The following THSD7B variants were observed in gnomAD, a reference collection of about 807,000 sequenced individuals.
THSD7B encodes thrombospondin type-1 domain-containing protein 7B.
A neutral mutation model predicts 213.6 loss-of-function variants in THSD7B; 138 were observed. The ratio of observed to expected loss-of-function variants is 0.65; its 90% CI spans 0.56 to 0.74. THSD7B has a LOEUF of 0.74. Among genes scored for constraint, THSD7B ranks in the 30% least tolerant of loss-of-function variants. The pLI is 0.00. For missense variants in THSD7B, 1,931 were observed against 1,991.5 expected (o/e 0.97, Z 0.58); for synonymous variants, 742 against 687.0 (o/e 1.08, Z -1.25).
In THSD7B at chr2:137,056,757, C is replaced by G; in HGVS notation, c.477C>G (p.Cys159Trp). Residue 159 changes from cysteine to tryptophan, a missense_variant, in exon 3 of 28, where the codon TGC becomes TGG. Physicochemically the swap from Cys to Trp is radical, Grantham distance 215. Transcript: ENST00000409968. ...GAACTGTGGTTGCAAATGAAATATG[C>G]GAACACTTTGCCCTTCAGCCTCCTA... ...LNRTVVANEI[C>W]EHFALQPPTE... 1 of 1,613,948 alleles carries G rather than the reference C, an allele frequency of 6.2e-7. No individual in the cohort carries two copies.
chr2:136,865,402 G>T (rs1246066703), intron 1 of THSD7B, among the ~76,000 whole-genome samples: 3 of 152,196 alleles, frequency 2.0e-5, no homozygotes, highest in Non-Finnish European at 4.4e-5. Context: ...TTCAATTTGA[G>T]ATCCATGTCC....
intron 17 of THSD7B, among the ~76,000 whole-genome samples, chr2:137,604,592 T>A (rs1682137125): frequency 6.6e-6 from 1 of 152,156 alleles, no homozygotes; most frequent in Admixed American, 6.5e-5. Context: ...GGAAAAAGAA[T>A]GTAAAAAATC....
intron 1 of THSD7B, among the ~76,000 whole-genome samples, chr2:136,796,436 C>A (rs1035130232): frequency 1.3e-5 from 2 of 151,876 alleles, no homozygotes; most frequent in Admixed American, 1.3e-4. Context: ...TTAACAGTAG[C>A]CTCTGCAGCC....
intron 12 of THSD7B, among the ~76,000 whole-genome samples, chr2:137,388,920 A>G (rs1685953820): frequency 6.6e-6 from 1 of 151,842 alleles, no homozygotes; most frequent in East Asian, 1.9e-4. Context: ...TTATTCATTG[A>G]TGTACTTATG....
intron 3 of THSD7B, among the ~76,000 whole-genome samples, chr2:137,075,250 C>G (rs961208647): frequency 6.6e-6 from 1 of 152,212 alleles, no homozygotes; most frequent in East Asian, 1.9e-4. Context: ...GGTCTTTTCA[C>G]ATAGTCCCAT....
chr2:137,037,686 A>G (rs1036126487), intron 2 of THSD7B, among the ~76,000 whole-genome samples: 1 of 152,134 alleles, frequency 6.6e-6, no homozygotes, highest in East Asian at 1.9e-4. Context: ...ATATGGATTT[A>G]TTTGGCTAAA....
chr2:136,937,347 T>A (rs1558859326), intron 2 of THSD7B, among the ~76,000 whole-genome samples: 1 of 151,984 alleles, frequency 6.6e-6, no homozygotes, highest in East Asian at 1.9e-4. Context: ...CCCGCTGTTC[T>A]ACCTAGACAG....
At chr2:137,238,848 C>T (rs779196599) in intron 9 of THSD7B, among the ~76,000 whole-genome samples, 5 of 151,586 alleles carry the variant, frequency 3.3e-5, no homozygotes, top group African/African-American at 9.7e-5. Context: ...CCACCGCGCC[C>T]GGCCATGACA....
At chr2:137,007,516 C>A (rs954342298) in intron 2 of THSD7B, among the ~76,000 whole-genome samples, 4 of 152,094 alleles carry the variant, frequency 2.6e-5, no homozygotes, top group Non-Finnish European at 5.9e-5. Context: ...AGAGAATAAA[C>A]AACTCATGGA....
intron 2 of THSD7B, among the ~76,000 whole-genome samples, chr2:136,978,343 T>C (rs774647063): frequency 5.3e-5 from 8 of 152,338 alleles, no homozygotes; most frequent in Non-Finnish European, 1.0e-4. Flanking sequence ...CTGAATATCT[T>C]TGTTAATTTT....
intron 2 of THSD7B, among the ~76,000 whole-genome samples, chr2:137,052,680 T>C (rs909432857): frequency 6.6e-6 from 1 of 152,188 alleles, no homozygotes; most frequent in Non-Finnish European, 1.5e-5. Context: ...GATGTAAGAT[T>C]TCTCAAACTG....
chr2:137,470,268 G>A (rs1421009102), intron 15 of THSD7B, among the ~76,000 whole-genome samples: 1 of 152,126 alleles, frequency 6.6e-6, no homozygotes, highest in Non-Finnish European at 1.5e-5. Flanking sequence ...TTTTCACCAA[G>A]GTTTAATCTC....
At chr2:137,243,777 A>G (rs1044935187) in intron 10 of THSD7B, among the ~76,000 whole-genome samples, 3 of 152,234 alleles carry the variant, frequency 2.0e-5, no homozygotes, top group African/African-American at 7.2e-5. Context: ...TTGTATTGCA[A>G]TGGTGGAGTA....
intron 1 of THSD7B, among the ~76,000 whole-genome samples, chr2:136,846,606 GTAAT>G (rs1394497884): frequency 1.3e-5 from 2 of 152,046 alleles, no homozygotes; most frequent in East Asian, 3.9e-4. Flanking sequence ...ACCTTACTTA[GTAAT>G]TCATACAGAG....
At chr2:137,645,541 C>T (rs1016538104) in intron 21 of THSD7B, among the ~76,000 whole-genome samples, 13 of 151,984 alleles carry the variant, frequency 8.6e-5, no homozygotes, top group Admixed American at 4.6e-4. Flanking sequence ...AAGGTATAAG[C>T]GATTAAGGTT....
At chr2:137,324,139 T>C (rs1684317760) in intron 12 of THSD7B, among the ~76,000 whole-genome samples, 1 of 152,302 alleles carries the variant, frequency 6.6e-6, no homozygotes, top group East Asian at 1.9e-4. Flanking sequence ...AATAAGCACA[T>C]AGTGTAATTT....
chr2:137,231,506 C>A (rs1681638988), intron 8 of THSD7B, among the ~76,000 whole-genome samples: 2 of 152,142 alleles, frequency 1.3e-5, no homozygotes, highest in African/African-American at 4.8e-5. Context: ...TTTTACAGAA[C>A]CCTTCTTAGA....
rs116110160 is a variant in THSD7B at position 137,151,323 on chromosome 2, G to A, written c.1370-8890G>A. 2.1e-3 allele frequency among the ~76,000 whole-genome samples: 313 copies of A among 149,962 alleles called. 3 individuals carry two copies. Among genetic ancestry groups the A allele is most frequent in the African/African-American group, 7.2e-3 (294 of 40,848 alleles). ...CCATTTTTAACTTTTTTTATTTTTT[G>A]TTTTATACTTTTAAACTTCTTTGTT... On this transcript the variant is annotated intron_variant, in intron 5 of 27. Transcript: ENST00000409968.
intron 1 of THSD7B, among the ~76,000 whole-genome samples, chr2:136,867,993 T>A (rs1683370692): frequency 6.6e-6 from 1 of 152,178 alleles, no homozygotes; most frequent in South Asian, 2.1e-4. Context: ...ATGGACTGAA[T>A]GAATGAATGG....
Sources: gnomAD v4.1 joint callset for allele counts (sites outside exome capture counted in the v4.1 genomes callset) on GRCh38, gnomAD v4.1.1 for gene constraint, MANE v1.5 for transcripts, NCBI Gene and HGNC (gene_info 2026-07-23, HGNC 2026-07-21) for gene names.